APOOL: variants seen among roughly 807,000 people sequenced by gnomAD.
APOOL encodes the protein apolipoprotein O like.
Under a neutral mutation model 23.1 loss-of-function variants are expected in APOOL, and 12 were observed. That is an observed-to-expected ratio of 0.52 (90% CI 0.33 to 0.84). The LOEUF (loss-of-function observed/expected upper bound fraction) is 0.84, where lower values mean the gene tolerates loss of function less well. Ranked by LOEUF, APOOL falls within the 40% of genes least tolerant of loss-of-function variation. APOOL has a pLI of 0.02. For synonymous variants in APOOL, 77 were observed against 69.9 expected (o/e 1.10, Z -0.51); for missense variants, 212 against 199.6 (o/e 1.06, Z -0.37).
chrX:85,014,955 A>G (rs190976075), intron 1 of APOOL, among the ~76,000 whole-genome samples: 1 of 109,537 alleles, frequency 9.1e-6, no homozygotes, highest in African/African-American at 3.3e-5. Flanking sequence ...AGGAACACCA[A>G]TTATTATTAG....
intron 1 of APOOL, among the ~76,000 whole-genome samples, chrX:85,027,361 A>G (rs770938823): frequency 1.8e-5 from 2 of 111,445 alleles, no homozygotes; most frequent in South Asian, 7.7e-4. Context: ...TTGGGGATTA[A>G]TATTCAACAT....
At chrX:85,064,388 C>T (rs1161576417) in intron 5 of APOOL, among the ~76,000 whole-genome samples, 1 of 101,532 alleles carries the variant, frequency 9.8e-6, no homozygotes, top group African/African-American at 3.7e-5. Context: ...TCACCTTCAG[C>T]TCTGAAGCTT....
intron 1 of APOOL, among the ~76,000 whole-genome samples, chrX:85,016,239 GCAAAAACCTCAATTCCTTTTGTAC>G (rs1325710639): frequency 1.9e-5 from 2 of 103,435 alleles, no homozygotes; most frequent in African/African-American, 7.0e-5. Context: ...GCCATTGATG[GCAAAAACCTCAATTCCTTTTGTAC>G]CAACCTAATA....
In APOOL at chrX:85,003,921, C is replaced by T. The variant is rs763274785; in HGVS notation, c.9C>T (p.Ala3=). MA[A]IRMGKLTTMP... ...CCGAAAGGGTTGTAGACATGGCGGC[C>T]ATCAGGGTAAGCGAAAACCAACTTG... Residue 3 remains alanine (A), a synonymous_variant, in exon 1 of 9, where the codon GCC becomes GCT. Transcript: ENST00000373173. The T allele has an allele frequency of 5.0e-6, 6 of 1,211,638 alleles. No homozygotes were observed. The South Asian group carries it at 7.0e-5, about 14-fold the overall frequency.
chrX:85,039,972 TTG>T (rs1378178800), intron 1 of APOOL, among the ~76,000 whole-genome samples: 1 of 111,915 alleles, frequency 8.9e-6, no homozygotes, highest in African/African-American at 3.2e-5. Flanking sequence ...GCAGATTTGA[TTG>T]TGTGGTTGCT....
chrX:85,064,407 C>A (rs1364778875), intron 5 of APOOL, among the ~76,000 whole-genome samples: 1 of 89,652 alleles, frequency 1.1e-5, no homozygotes, highest in Non-Finnish European at 2.2e-5. Context: ...TTGGTTATTT[C>A]TTGTCTTCTG....
Position 85,088,497 on chromosome X carries a change from C to T in APOOL, c.*819C>T, listed in dbSNP as rs961904838. 9.3e-6 allele frequency: 1 copy of T among 107,586 alleles called. No homozygotes were observed. Among genetic ancestry groups the T allele is most frequent in the Non-Finnish European group, 1.9e-5 (1 of 52,097 alleles). 8.9% of individuals were successfully genotyped at this position (107,586 alleles called of 1,213,427 possible). ...CATATGCTACACAGGCTTCCTAATA[C>T]TGCTTAGCAATCCTTCTACTGGTTC... On this transcript the variant is annotated 3_prime_UTR_variant, in exon 9 of 9. Coordinates refer to ENST00000373173, the MANE Select transcript of APOOL (RefSeq NM_198450.6).
chrX:85,017,122 G>C (rs1479311359), intron 1 of APOOL, among the ~76,000 whole-genome samples: 1 of 111,957 alleles, frequency 8.9e-6, no homozygotes, highest in Non-Finnish European at 1.9e-5. Context: ...ACCACCACGT[G>C]GGGGCAGGGT....
intron 8 of APOOL, among the ~76,000 whole-genome samples, chrX:85,086,009 A>G (rs1350586501): frequency 2.7e-5 from 3 of 112,358 alleles, no homozygotes; most frequent in Non-Finnish European, 5.6e-5. Context: ...AATAAGGACA[A>G]TGTAAAAATA....
intron 1 of APOOL, among the ~76,000 whole-genome samples, chrX:85,042,838 A>G (rs752222252): frequency 1.8e-5 from 2 of 112,061 alleles, no homozygotes; most frequent in Non-Finnish European, 1.9e-5. Flanking sequence ...TAAAATCATA[A>G]TAATCATTTC....
At chrX:85,073,914 A>G in intron 6 of APOOL, 84 bp from the exon 7 acceptor site, 2 of 662,345 alleles carry the variant, frequency 3.0e-6, no homozygotes, top group Middle Eastern at 1.1e-3. Context: ...GAGTGTTCAT[A>G]TAAAATACCT....
intron 1 of APOOL, among the ~76,000 whole-genome samples, chrX:85,029,950 G>A (rs1921977772): frequency 8.9e-6 from 1 of 111,959 alleles, no homozygotes; most frequent in Non-Finnish European, 1.9e-5. Flanking sequence ...ACAGTATGGG[G>A]ATTCCTTAAA....
chrX:85,081,674 TG>T (rs1177932550), intron 8 of APOOL: 1 of 111,675 alleles, frequency 9.0e-6, no homozygotes, highest in African/African-American at 3.3e-5. Context: ...GATAATATCC[TG>T]CAGAGTGTTT....
chrX:85,075,970 T>C (rs1923823465), intron 8 of APOOL, among the ~76,000 whole-genome samples: 1 of 111,435 alleles, frequency 9.0e-6, no homozygotes, highest in African/African-American at 3.3e-5. Flanking sequence ...AATTCTGAGA[T>C]CAGGGTGCCA....
rs187686467 is a variant in APOOL, at chrX:85,029,076, A to T, written c.16-17370A>T. Among the ~76,000 whole-genome samples the T allele has an allele frequency of 1.9e-3, 217 of 111,599 alleles. 3 individuals are homozygous for T. The highest frequency in any genetic ancestry group is 3.1e-3 in the Non-Finnish European group (166 of 53,112). ...CAGTGGGATTGCTGGATTATATGGT[A>T]GCTCAATTTTTAGTTTTTTTGAGGA... On this transcript the variant is annotated intron_variant, in intron 1 of 8. Transcript: ENST00000373173.
chrX:85,083,120 G>C (rs982690359), intron 8 of APOOL, among the ~76,000 whole-genome samples: 10 of 110,639 alleles, frequency 9.0e-5, no homozygotes, highest in Non-Finnish European at 9.4e-5. Flanking sequence ...AGAGAGCAAG[G>C]GCACCCCTGT....
rs1924509560 is a variant in APOOL at position 85,091,277 on chromosome X, A to G, written c.*3599A>G. ...AAAATAAATAATAAAAAATAAAGGTATATAATATGTCTTAGATTTGATGAA... is the reference window on the plus strand; with the variant it reads ...AAAATAAATAATAAAAAATAAAGGTGTATAATATGTCTTAGATTTGATGAA... On this transcript the variant is annotated 3_prime_UTR_variant, in exon 9 of 9. Transcript: ENST00000373173. 1 of 112,354 alleles carries G rather than the reference A, an allele frequency of 8.9e-6. No homozygotes were observed. Among genetic ancestry groups the G allele is most frequent in the African/African-American group, 3.2e-5 (1 of 30,970 alleles). 9.3% of individuals were successfully genotyped at this position (112,354 alleles called of 1,213,427 possible).
chrX:85,093,296 AAAT>A lies in APOOL; in HGVS notation c.*5623_*5625del, dbSNP rs1384589450. On this transcript the variant is annotated 3_prime_UTR_variant, in exon 9 of 9. Transcript: ENST00000373173. ...CTTGTTATTTGCTTTAGTTTAAAAT[AAAT>A]AATATCTAAAACTCTGTATCTGTTT... The A allele has an allele frequency of 4.1e-6, 4 of 982,370 alleles. No individual in the cohort carries two copies. Among genetic ancestry groups the A allele is most frequent in the African/African-American group, 3.9e-5 (2 of 51,686 alleles). The allele number at this position is 982,370 out of a possible 1,213,427, so 81.0% of individuals were successfully genotyped here.
rs774166758 is a variant in APOOL, at chrX:85,055,902, C to T, written c.371C>T (p.Ala124Val). The T allele has an allele frequency of 5.4e-5, 64 of 1,195,111 alleles. 1 individual carries two copies. In the South Asian group the frequency reaches 9.7e-4, roughly 18 times the overall value. ...GGAGTTATTACAGTTTCAGGATTGG[C>T]GGGCTTGGTTTCAGCGAGAAAAGGT... ...KMGVITVSGL[A>V]GLVSARKGSK... Residue 124 changes from alanine to valine, a missense_variant, in exon 5 of 9, where the codon GCG (alanine) becomes GTG (valine). Physicochemically the swap from Ala to Val is moderately conservative, Grantham distance 64. Coordinates refer to ENST00000373173, the MANE Select transcript of APOOL (RefSeq NM_198450.6).
Sources: gnomAD v4.1 joint callset for allele counts (sites outside exome capture counted in the v4.1 genomes callset) on GRCh38, gnomAD v4.1.1 for gene constraint, MANE v1.5 for transcripts, NCBI Gene and HGNC (gene_info 2026-07-23, HGNC 2026-07-21) for gene names.